Variants in OR56A3 observed in about 807,000 individuals in gnomAD.
OR56A3 encodes the protein olfactory receptor 56A3.
In OR56A3, 23 loss-of-function variants were observed where a neutral mutation model predicts 17.5. The ratio of observed to expected loss-of-function variants is 1.32; its 90% CI spans 0.95 to 1.87. The LOEUF is 1.87. OR56A3 is among the 40% of genes most tolerant of loss of function. The pLI is 0.00. For synonymous variants in OR56A3, 175 were observed against 150.6 expected (o/e 1.16, Z -1.19); for missense variants, 366 against 380.1 (o/e 0.96, Z 0.31).
chr11:5,981,960 C>G, the OR56A3 span, among the ~76,000 whole-genome samples: 37,605 of 152,038 alleles, frequency 0.25, 4,725 homozygotes, highest in Non-Finnish European at 0.27. Context: ...GTTGTGTGCT[C>G]TAACCCTGAG....
chr11:5,968,977 A>G, the OR56A3 span, among the ~76,000 whole-genome samples: 1 of 152,190 alleles, frequency 6.6e-6, no homozygotes, highest in Non-Finnish European at 1.5e-5. Flanking sequence ...CTCTCTTTTT[A>G]TTACACACCA....
the OR56A3 span, among the ~76,000 whole-genome samples, chr11:5,968,715 A>G: frequency 6.6e-6 from 1 of 152,214 alleles, no homozygotes; most frequent in Non-Finnish European, 1.5e-5. Flanking sequence ...AATTTAGAAA[A>G]GCAAATAGAC....
chr11:5,990,021 G>A, the OR56A3 span, among the ~76,000 whole-genome samples: 1 of 152,198 alleles, frequency 6.6e-6, no homozygotes, highest in Non-Finnish European at 1.5e-5. Flanking sequence ...CTGTAAGGTA[G>A]TATGACATGT....
chr11:6,012,891 C>CT, the OR56A3 span, among the ~76,000 whole-genome samples: 1 of 152,278 alleles, frequency 6.6e-6, no homozygotes, highest in African/African-American at 2.4e-5. Context: ...ACCAGCTGGG[C>CT]TGTGATAGCA....
the OR56A3 span, chr11:5,994,247 T>C: frequency 1.8e-6 from 1 of 562,398 alleles, no homozygotes; most frequent in Non-Finnish European, 3.4e-6. Flanking sequence ...TCCAGGTCTA[T>C]CTCCAAAGAC....
At chr11:5,987,120 GT>G in the OR56A3 span, 1 of 613,470 alleles carries the variant, frequency 1.6e-6, no homozygotes, top group Non-Finnish European at 2.8e-6. Flanking sequence ...GCTTAGTTTT[GT>G]TTAGAGATAA....
At chr11:5,963,248 A>G in the OR56A3 span, among the ~76,000 whole-genome samples, 1 of 151,654 alleles carries the variant, frequency 6.6e-6, no homozygotes, top group Non-Finnish European at 1.5e-5. Flanking sequence ...TTATTTTTCT[A>G]TTTCCTTGAG....
chr11:6,003,072 C>G, the OR56A3 span: 1 of 1,612,704 alleles, frequency 6.2e-7, no homozygotes, highest in Non-Finnish European at 8.5e-7. Flanking sequence ...AAAGTACATT[C>G]TAGACGTAGT....
At chr11:5,994,018 AG>A in the OR56A3 span, 2 of 464,574 alleles carry the variant, frequency 4.3e-6, no homozygotes, top group Non-Finnish European at 8.5e-6. Context: ...GCTGTCTTCC[AG>A]CAGGCTGCAG....
At chr11:5,962,566 C>A in the OR56A3 span, among the ~76,000 whole-genome samples, 1 of 140,668 alleles carries the variant, frequency 7.1e-6, no homozygotes, top group South Asian at 2.3e-4. Context: ...GAGTCTCTCT[C>A]TGTCGCCCAG....
At chr11:5,966,207 CAAAA>C in the OR56A3 span, among the ~76,000 whole-genome samples, 116 of 63,972 alleles carry the variant, frequency 1.8e-3, no homozygotes, top group African/African-American at 6.5e-3. Flanking sequence ...CCCGTCTCTA[CAAAA>C]AAAAAAAAAA....
chr11:5,985,658 A>G, the OR56A3 span, among the ~76,000 whole-genome samples: 30,155 of 152,210 alleles, frequency 0.2, 3,751 homozygotes, highest in South Asian at 0.28. Flanking sequence ...ATTCAGAGCT[A>G]TCATCTATTT....
the OR56A3 span, chr11:6,002,929 T>C: frequency 6.2e-7 from 1 of 1,613,908 alleles, no homozygotes; most frequent in African/African-American, 1.3e-5. Context: ...CTCTGGAAGT[T>C]GGGGAAGCAG....
the OR56A3 span, chr11:5,985,888 G>T: frequency 2.0e-6 from 3 of 1,501,038 alleles, no homozygotes; most frequent in Non-Finnish European, 1.8e-6. Context: ...ACAGGCTCCT[G>T]GCTGTGGTCC....
the OR56A3 span, chr11:6,002,662 A>G: frequency 6.2e-7 from 1 of 1,614,248 alleles, no homozygotes; most frequent in Non-Finnish European, 8.5e-7. Flanking sequence ...TCCATGGTCA[A>G]AAAACTGTTC....
At chr11:6,006,574 G>A in the OR56A3 span, among the ~76,000 whole-genome samples, 2 of 152,214 alleles carry the variant, frequency 1.3e-5, no homozygotes, top group Non-Finnish European at 2.9e-5. Flanking sequence ...AGAAGAAGCA[G>A]TCACCTAGGT....
At chr11:6,013,564 C>T in the OR56A3 span, among the ~76,000 whole-genome samples, 1 of 152,130 alleles carries the variant, frequency 6.6e-6, no homozygotes, top group South Asian at 2.1e-4. Context: ...GGGCATGGCA[C>T]CCTGAGTTTT....
chr11:5,948,223 C>T lies in OR56A3; in HGVS notation c.877C>T (p.Pro293Ser). Reference protein sequence around the residue: ...LHHVIPAALNPIIYGVRTQEI... With the variant: ...LHHVIPAALNSIIYGVRTQEI... ...CCATGTCATTCCTGCAGCCCTTAAC[C>T]CCATCATTTACGGGGTGAGAACCCA... The change falls in exon 3 of 3, where the codon CCC (proline) becomes TCC (serine). Residue 293 changes from proline (P) to serine (S), a missense_variant. Coordinates refer to ENST00000641160, the MANE Select transcript of OR56A3 (RefSeq NM_001003443.3). 6.2e-7 allele frequency: 1 copy of T among 1,614,176 alleles called. No individual in the cohort carries two copies. The highest frequency in any genetic ancestry group is 8.5e-7 in the Non-Finnish European group (1 of 1,180,036).
intron 2 of OR56A3, among the ~76,000 whole-genome samples, chr11:5,946,615 G>A (rs1234348028): frequency 3.9e-5 from 6 of 152,170 alleles, no homozygotes; most frequent in Non-Finnish European, 8.8e-5. Flanking sequence ...CTATGTGGAA[G>A]TGCCCACTCT....
Sources: gnomAD v4.1 joint callset for allele counts (sites outside exome capture counted in the v4.1 genomes callset) on GRCh38, gnomAD v4.1.1 for gene constraint, MANE v1.5 for transcripts, NCBI Gene and HGNC (gene_info 2026-07-23, HGNC 2026-07-21) for gene names.